The following CASP1 variants were observed in gnomAD, a reference collection of about 807,000 sequenced individuals.
The protein encoded by CASP1 is caspase 1.
In CASP1, 31 loss-of-function variants were observed where a neutral mutation model predicts 41.2. That is an observed-to-expected ratio of 0.75 (90% CI 0.57 to 1.02). The LOEUF (loss-of-function observed/expected upper bound fraction) is 1.02, where lower values mean the gene tolerates loss of function less well. Among genes scored for constraint, CASP1 ranks in the 50% least tolerant of loss-of-function variants. CASP1 has a pLI of 0.00. For synonymous variants in CASP1, 163 were observed against 166.5 expected (o/e 0.98, Z 0.16); for missense variants, 490 against 495.7 (o/e 0.99, Z 0.11).
rs1441585239 is a variant in CASP1, at chr11:105,025,574, A to G, written c.*684T>C. ...TTATTCAGCAGACATAATTCCAAAA[A>G]CCTTTACAGAAGGATCTCTTCACTT... On this transcript the variant is annotated 3_prime_UTR_variant, in exon 9 of 9. Coordinates refer to ENST00000533400, the MANE Select transcript of CASP1 (RefSeq NM_001257118.3). 2 of 426,334 alleles carry G rather than the reference A, an allele frequency of 4.7e-6. No individual in the cohort carries two copies. Among genetic ancestry groups the G allele is most frequent in the African/African-American group, 2.1e-5 (1 of 47,888 alleles). The allele number at this position is 426,334 out of a possible 1,614,324, so 26.4% of individuals were successfully genotyped here. A position where few individuals can be genotyped will look rare whatever the true frequency, so the allele number is the denominator to read the frequency against.
chr11:105,033,987 G>A, intron 2 of CASP1: 1 of 837,906 alleles, frequency 1.2e-6, no homozygotes, highest in Non-Finnish European at 2.1e-6. Context: ...CACATACTCA[G>A]AACAGGAAAT....
At chr11:105,035,618 G>GGTTTTTTTTT (rs770385453), upstream of CASP1, among the ~76,000 whole-genome samples, 8 of 103,438 alleles carry the variant, frequency 7.7e-5, 1 homozygote, top group Admixed American at 1.3e-4. Context: ...TTTTCTTTCT[G>GGTTTTTTTTT]TTTTTTTTTT....
upstream of CASP1, chr11:105,035,330 G>A (rs576166510): frequency 1.7e-5 from 10 of 599,954 alleles, no homozygotes; most frequent in East Asian, 2.5e-4. Context: ...CAGGGTAGGA[G>A]GGGAATGGGG....
rs1863330405 is a variant in CASP1 at position 105,026,890 on chromosome 11, A to C, written c.1068T>G (p.His356Gln). 2 of 1,611,704 alleles carry C rather than the reference A, an allele frequency of 1.2e-6. No homozygotes were observed. Among genetic ancestry groups the C allele is most frequent in the Non-Finnish European group, 1.7e-6 (2 of 1,177,962 alleles). ...GSVFIGRLIE[H>Q]MQEYACSCDV... ...CACAGGAACAGGCATATTCTTGCATATGTTCAATGAGTCTTCCAATAAAAA... is the reference window on the plus strand; with the variant it reads ...CACAGGAACAGGCATATTCTTGCATCTGTTCAATGAGTCTTCCAATAAAAA... The change falls in exon 8 of 9, where the codon CAT becomes CAG. Residue 356 changes from histidine (H) to glutamine (Q), a missense_variant. Coordinates refer to ENST00000533400, the MANE Select transcript of CASP1 (RefSeq NM_001257118.3).
rs1156701983 is a variant in CASP1 at position 105,029,886 on chromosome 11, T to G, written c.641A>C (p.Glu214Ala). The G allele has an allele frequency of 1.9e-6, 3 of 1,612,624 alleles. No individual in the cohort carries two copies. Among genetic ancestry groups the G allele is most frequent in the Non-Finnish European group, 2.5e-6 (3 of 1,178,722 alleles). Residue 214 changes from glutamate (E) to alanine (A), a missense_variant, in exon 6 of 9, where the codon GAG (glutamate) becomes GCG (alanine). By Grantham distance (107) the Glu-to-Ala change is moderately radical (BLOSUM62 -1). Coordinates refer to ENST00000533400, the MANE Select transcript of CASP1 (RefSeq NM_001257118.3). Reference protein sequence around the residue: ...KNLTASDMTTELEAFAHRPEH... With the variant: ...KNLTASDMTTALEAFAHRPEH... The stretch of plus-strand genomic sequence containing the variant: ...TGGGCGGTGTGCAAATGCCTCCAGC[T>G]CTGTAGTCATGTCCTGAAAGACACC...
At position 105,025,947 on chromosome 11, in the gene CASP1, A is replaced by G. The variant is rs1863251430; in HGVS notation, c.*311T>C. On this transcript the variant is annotated 3_prime_UTR_variant, in exon 9 of 9. Transcript: ENST00000533400. ...TCCCTTATCCAAAATGCATGCTACC[A>G]GAAGTATTTCAAATTTCAGATATTT... 2 of 255,718 alleles carry G rather than the reference A, an allele frequency of 7.8e-6. No individual in the cohort carries two copies. The highest frequency in any genetic ancestry group is 1.5e-5 in the Non-Finnish European group (2 of 132,146). 15.8% of individuals were successfully genotyped at this position (255,718 alleles called of 1,614,324 possible).
Position 105,027,255 on chromosome 11 carries a change from G to A in CASP1, c.1007-304C>T, listed in dbSNP as rs190225898. ...ATACACAAGAGGTATCTGAGGTCAC[G>A]CAAGTGTTTGAGATAACCCAGGATA... On this transcript the variant is annotated intron_variant, in intron 7 of 8. Coordinates refer to ENST00000533400, the MANE Select transcript of CASP1 (RefSeq NM_001257118.3). 1.4e-4 allele frequency: 79 copies of A among 563,024 alleles called. 1 individual carries two copies. Among genetic ancestry groups the A allele is most frequent in the Middle Eastern group, 9.4e-4 (2 of 2,122 alleles). The allele number at this position is 563,024 out of a possible 1,614,324, so 34.9% of individuals were successfully genotyped here. A position where few individuals can be genotyped will look rare whatever the true frequency, so the allele number is the denominator to read the frequency against.
In CASP1 at chr11:105,030,366, C is replaced by G; in HGVS notation, c.591G>C (p.Gly197=). Residue 197 remains glycine (G), a synonymous_variant, in exon 5 of 9, where the codon GGG becomes GGC. Transcript: ENST00000533400. ...TGMTMLLQNL[G]YSVDVKKNLT... is the part of the protein sequence containing the mutation. ...GATTTTTTTTCACATCTACGCTGTA[C>G]CCCAGATTTTGTAGCAGCATTGTCA... 6.2e-7 allele frequency: 1 copy of G among 1,613,474 alleles called. No homozygotes were observed. Among genetic ancestry groups the G allele is most frequent in the Non-Finnish European group, 8.5e-7 (1 of 1,179,624 alleles).
upstream of CASP1, among the ~76,000 whole-genome samples, chr11:105,036,505 G>A (rs182133185): frequency 6.6e-6 from 1 of 152,196 alleles, no homozygotes; most frequent in East Asian, 1.9e-4. Flanking sequence ...TGAATCATGG[G>A]TGCTGTTTTT....
chr11:105,029,100 A>G lies in CASP1; in HGVS notation c.1006+24T>C, dbSNP rs201853964. ...TTTTCTATTGATAGCCCCAACAAAG[A>G]TGTCCTGTGTAGAAACCTGTTACCT... On this transcript the variant is annotated intron_variant, in intron 7 of 8. Coordinates refer to ENST00000533400, the MANE Select transcript of CASP1 (RefSeq NM_001257118.3). 131 of 1,604,196 alleles carry G rather than the reference A, an allele frequency of 8.2e-5. No homozygotes were observed. The African/African-American group carries it at 1.3e-3, about 16-fold the overall frequency.
At position 105,026,126 on chromosome 11, in the gene CASP1, G is replaced by T; in HGVS notation, c.*132C>A. Reference sequence around the variant, plus strand: ...GAGCATTTCAAAATTCAAATTTTTGGATTAAGGATTCTCAGCCTGTAAACC... The same window carrying T: ...GAGCATTTCAAAATTCAAATTTTTGTATTAAGGATTCTCAGCCTGTAAACC... On this transcript the variant is annotated 3_prime_UTR_variant, in exon 9 of 9. Coordinates refer to ENST00000533400, the MANE Select transcript of CASP1 (RefSeq NM_001257118.3). The T allele has an allele frequency of 7.0e-6, 4 of 569,714 alleles. No individual in the cohort carries two copies. The highest frequency in any genetic ancestry group is 2.8e-5 in the East Asian group (1 of 35,144). 35.3% of individuals were successfully genotyped at this position (569,714 alleles called of 1,614,324 possible).
chr11:105,031,340 G>T, intron 3 of CASP1, 60 bp from the exon 4 acceptor site: 1 of 947,716 alleles, frequency 1.1e-6, no homozygotes, highest in Non-Finnish European at 1.7e-6. Flanking sequence ...CTTTGTGTTT[G>T]TTACAGCCTC....
rs1863629809 is a variant in CASP1, at chr11:105,030,570, A to G, written c.454-67T>C. On this transcript the variant is annotated intron_variant, in intron 4 of 8. Coordinates refer to ENST00000533400, the MANE Select transcript of CASP1 (RefSeq NM_001257118.3). Reference sequence around the variant, plus strand: ...AATTAAATATTTCCCTTCCTGGTTTATGACAGCTTCCCCTTCCTTAGTCCT... The same window carrying G: ...AATTAAATATTTCCCTTCCTGGTTTGTGACAGCTTCCCCTTCCTTAGTCCT... The G allele has an allele frequency of 5.0e-6, 7 of 1,400,954 alleles. No homozygotes were observed. The East Asian group carries it at 9.1e-5, about 18-fold the overall frequency. 86.8% of individuals were successfully genotyped at this position (1,400,954 alleles called of 1,614,324 possible). A position where few individuals can be genotyped will look rare whatever the true frequency, so the allele number is the denominator to read the frequency against.
chr11:105,029,446 C>G (rs1863533855), intron 6 of CASP1, among the ~76,000 whole-genome samples, 179 bp from the exon 7 acceptor site: 2 of 152,116 alleles, frequency 1.3e-5, no homozygotes, highest in Non-Finnish European at 2.9e-5. Context: ...AACCATCAAA[C>G]AAATTGTAAA....
Position 105,034,369 on chromosome 11 carries a change from T to G in CASP1, c.113A>C (p.Glu38Ala). Reference protein sequence around the residue: ...ELLQTRVLNKEEMEKVKRENA... With the variant: ...ELLQTRVLNKAEMEKVKRENA... ...TTCACGTTTTACTTTCTCCATCTCT[T>G]CCTTGTTCAGCACCCTTGTCTGTAA... Residue 38 changes from glutamate to alanine, a missense_variant, in exon 2 of 9, where the codon GAA becomes GCA. Glu to Ala is a moderately radical substitution (Grantham distance 107). Transcript: ENST00000533400. The G allele has an allele frequency of 6.2e-7, 1 of 1,614,180 alleles. No homozygotes were observed. Among genetic ancestry groups the G allele is most frequent in the Non-Finnish European group, 8.5e-7 (1 of 1,180,016 alleles).
intron 3 of CASP1, among the ~76,000 whole-genome samples, chr11:105,031,533 A>G (rs981274352): frequency 2.6e-5 from 4 of 152,180 alleles, no homozygotes; most frequent in Admixed American, 2.0e-4. Context: ...AGCATTTTAG[A>G]TACTAACATA....
Position 105,029,736 on chromosome 11 carries a change from A to C in CASP1, c.791T>G (p.Met264Arg). Residue 264 changes from methionine (M) to arginine (R), a missense_variant, in exon 6 of 9, where the codon ATG (methionine) becomes AGG (arginine). Physicochemically the swap from Met to Arg is moderately conservative, Grantham distance 91 (BLOSUM62 -1). Coordinates refer to ENST00000533400, the MANE Select transcript of CASP1 (RefSeq NM_001257118.3). ...ACTTGGGCAGTTCTTGGTATTCAAC[A>C]TGTTAAAGATTGCATTGAGTTGTAG... The part of the protein sequence containing the change: ...DILQLNAIFN[M>R]LNTKNCPSLK... 1.2e-6 allele frequency: 2 copies of C among 1,613,708 alleles called. No individual in the cohort carries two copies. Among genetic ancestry groups the C allele is most frequent in the Admixed American group, 1.7e-5 (1 of 59,942 alleles).
chr11:105,028,999 T>C, intron 7 of CASP1, 125 bp downstream of exon 7: 2 of 816,042 alleles, frequency 2.5e-6, no homozygotes. Context: ...ATAAAGGGAA[T>C]TCTGTGTATA....
downstream of CASP1, chr11:105,025,499 G>A (rs483345): frequency 0.16 from 64,413 of 411,408 alleles, 5,817 homozygotes; most frequent in Admixed American, 0.27. Flanking sequence ...GGAGAAAAAT[G>A]AGGACAAGTT....
Sources: gnomAD v4.1 joint callset for allele counts (sites outside exome capture counted in the v4.1 genomes callset) on GRCh38, gnomAD v4.1.1 for gene constraint, MANE v1.5 for transcripts, NCBI Gene and HGNC (gene_info 2026-07-23, HGNC 2026-07-21) for gene names.